Variants in MDGA2 observed in about 807,000 individuals in gnomAD.
MDGA2 encodes the protein MAM domain containing glycosylphosphatidylinositol anchor 2.
Under a neutral mutation model 117.8 loss-of-function variants are expected in MDGA2, and 40 were observed. The observed-to-expected ratio is 0.34, with a 90% CI of 0.26 to 0.44. MDGA2 has a LOEUF of 0.44. MDGA2 is among the 20% of genes least tolerant of loss of function. MDGA2 has a pLI of 1.00. For missense variants in MDGA2, 1,123 were observed against 1,250.6 expected (o/e 0.90, Z 1.54); for synonymous variants, 452 against 439.0 (o/e 1.03, Z -0.37).
Position 47,061,294 on chromosome 14 carries a change from C to T in MDGA2, c.1480G>A (p.Gly494Arg). 6.2e-7 allele frequency: 1 copy of T among 1,613,270 alleles called. No individual in the cohort carries two copies. Among genetic ancestry groups the T allele is most frequent in the Non-Finnish European group, 8.5e-7 (1 of 1,179,504 alleles). Reference protein sequence around the residue: ...YTCVASLKGGGISDISIDVNI... With the variant: ...YTCVASLKGGRISDISIDVNI... ...ACATCGATACTGATATCAGATATTCCTCCTCCCTTCAGAGATGCTACACAT... is the reference window on the plus strand; with the variant it reads ...ACATCGATACTGATATCAGATATTCTTCCTCCCTTCAGAGATGCTACACAT... The change falls in exon 7 of 17, where the codon GGA becomes AGA. Residue 494 changes from glycine to arginine, a missense_variant. By Grantham distance (125) the Gly-to-Arg change is moderately radical (BLOSUM62 -2). Around this residue, in one of 2 missense-constraint regions of MDGA2, gnomAD observed 890 missense variants for 1,050.3 expected, o/e 0.85. Transcript: ENST00000399232.
In MDGA2 at chr14:47,588,383, A is replaced by G. The variant is rs533870947; in HGVS notation, c.280+86134T>C. ...CATTTTATATTTCTACCAACAATGT[A>G]TGAGGGTATCAATTTCTAACATCCT... On this transcript the variant is annotated intron_variant, in intron 1 of 16. Coordinates refer to ENST00000399232, the MANE Select transcript of MDGA2 (RefSeq NM_001113498.3). Among the ~76,000 whole-genome samples, 19 of 151,618 alleles carry G rather than the reference A, an allele frequency of 1.3e-4. 1 individual carries two copies. The South Asian group carries it at 3.9e-3, about 31-fold the overall frequency.
intron 1 of MDGA2, among the ~76,000 whole-genome samples, chr14:47,421,310 A>T (rs906268688): frequency 6.6e-6 from 1 of 152,172 alleles, no homozygotes; most frequent in Non-Finnish European, 1.5e-5. Flanking sequence ...TCAGCCAAGA[A>T]AAAACAAAAC....
At chr14:47,366,871 T>C (rs1156282696) in intron 1 of MDGA2, among the ~76,000 whole-genome samples, 1 of 100,152 alleles carries the variant, frequency 1.0e-5, no homozygotes, top group Non-Finnish European at 2.3e-5. Context: ...TATGTTTTAC[T>C]AAAAGTTAGA....
Position 46,851,356 on chromosome 14 carries a change from G to T in MDGA2, c.2883+3668C>A, listed in dbSNP as rs115172031. Among the ~76,000 whole-genome samples, 829 of 151,924 alleles carry T rather than the reference G, an allele frequency of 5.5e-3. 8 individuals carry two copies. The highest frequency in any genetic ancestry group is 0.018 in the African/African-American group (755 of 41,512). ...GATGTAAAATTCATTGACATTATAA[G>T]AATATATCCATTTTGCTTCTTTGGA... On this transcript the variant is annotated intron_variant, in intron 15 of 16. Transcript: ENST00000399232.
rs746690812 is a variant in MDGA2, at chr14:47,035,210, A to C, written c.1620T>G (p.Pro540=). 1.2e-6 allele frequency: 2 copies of C among 1,614,148 alleles called. No homozygotes were observed. Among genetic ancestry groups the C allele is most frequent in the Admixed American group, 1.7e-5 (1 of 60,020 alleles). Residue 540 remains proline, a synonymous_variant, in exon 8 of 17, where the codon CCT becomes CCG. Coordinates refer to ENST00000399232, the MANE Select transcript of MDGA2 (RefSeq NM_001113498.3). The part of the protein sequence containing the change: ...IELQCQVTGK[P]KPIILWSRAD... ...CTCTAGACCAAAGGATGATTGGTTT[A>C]GGTTTGCCAGTTACTTGACATTGCA...
intron 5 of MDGA2, among the ~76,000 whole-genome samples, chr14:47,102,179 A>G (rs767024120): frequency 1.1e-4 from 17 of 152,166 alleles, no homozygotes; most frequent in Admixed American, 2.0e-4. Flanking sequence ...ATTATGAAAA[A>G]GGAACCCAGC....
intron 1 of MDGA2, among the ~76,000 whole-genome samples, chr14:47,600,132 A>G (rs1194439523): frequency 6.6e-6 from 1 of 152,104 alleles, no homozygotes; most frequent in Non-Finnish European, 1.5e-5. Context: ...GCGGTGGCTC[A>G]TGCTTCTAAT....
intron 3 of MDGA2, among the ~76,000 whole-genome samples, chr14:47,158,169 G>C (rs941103219): frequency 4.6e-5 from 7 of 152,094 alleles, no homozygotes; most frequent in Non-Finnish European, 5.9e-5. Flanking sequence ...ATATATCACT[G>C]TGTTACGACT....
chr14:47,309,485 G>A (rs898472069), intron 1 of MDGA2, among the ~76,000 whole-genome samples: 11 of 152,054 alleles, frequency 7.2e-5, no homozygotes, highest in Non-Finnish European at 1.5e-4. Context: ...GAAAGGCCTT[G>A]ATTATTAAAG....
At chr14:47,543,071 C>T (rs111732727) in intron 1 of MDGA2, among the ~76,000 whole-genome samples, 168 of 152,122 alleles carry the variant, frequency 1.1e-3, no homozygotes, top group African/African-American at 3.8e-3. Context: ...ATTAGCCAGG[C>T]ATGGTGGTGC....
chr14:47,093,032 T>C (rs921696895), intron 6 of MDGA2, among the ~76,000 whole-genome samples: 1 of 152,000 alleles, frequency 6.6e-6, no homozygotes, highest in Non-Finnish European at 1.5e-5. Flanking sequence ...AAGATCTTCA[T>C]AGCTCACTCT....
intron 1 of MDGA2, among the ~76,000 whole-genome samples, chr14:47,327,799 C>A (rs1467191929): frequency 1.3e-5 from 2 of 152,024 alleles, no homozygotes; most frequent in African/African-American, 2.4e-5. Context: ...ATTTAAAGTT[C>A]AACAACCTAG....
At chr14:47,341,821 A>G (rs1206364895) in intron 1 of MDGA2, among the ~76,000 whole-genome samples, 1 of 152,040 alleles carries the variant, frequency 6.6e-6, no homozygotes, top group Admixed American at 6.6e-5. Flanking sequence ...GTGTGCCTAG[A>G]ACCTGAACCT....
At chr14:47,031,402 T>C (rs1888662430) in intron 8 of MDGA2, among the ~76,000 whole-genome samples, 3 of 152,184 alleles carry the variant, frequency 2.0e-5, no homozygotes. Context: ...TTTTCTATCT[T>C]ATTTATTATT....
intron 8 of MDGA2, among the ~76,000 whole-genome samples, chr14:47,001,453 A>G (rs1049379062): frequency 1.3e-5 from 2 of 152,096 alleles, no homozygotes; most frequent in African/African-American, 4.8e-5. Context: ...TAAATTAGAA[A>G]CAAAAGGGAA....
chr14:47,287,204 G>A (rs1016746807), intron 2 of MDGA2, among the ~76,000 whole-genome samples: 8 of 151,898 alleles, frequency 5.3e-5, no homozygotes, highest in South Asian at 2.1e-4. Context: ...CCCAAACAGC[G>A]TCCTGTGATA....
At chr14:47,302,643 A>C (rs928149561) in intron 1 of MDGA2, among the ~76,000 whole-genome samples, 1 of 152,156 alleles carries the variant, frequency 6.6e-6, no homozygotes, top group Non-Finnish European at 1.5e-5. Context: ...AATCTTATAG[A>C]ATTTTAAAAT....
chr14:47,175,186 C>A (rs1432030122), intron 3 of MDGA2, among the ~76,000 whole-genome samples: 1 of 151,272 alleles, frequency 6.6e-6, no homozygotes, highest in Admixed American at 6.6e-5. Context: ...GAGTCCAGGA[C>A]CAGATGGATT....
intron 15 of MDGA2, among the ~76,000 whole-genome samples, chr14:46,848,919 T>C (rs566550737): frequency 1.2e-4 from 18 of 152,002 alleles, no homozygotes; most frequent in Non-Finnish European, 2.4e-4. Flanking sequence ...ATATGAATAT[T>C]TCACCCCTTG....
Sources: gnomAD v4.1 joint callset for allele counts (sites outside exome capture counted in the v4.1 genomes callset) on GRCh38, gnomAD v4.1.1 for gene constraint, gnomAD v4.1.1 regional missense constraint, MANE v1.5 for transcripts, NCBI Gene and HGNC (gene_info 2026-07-23, HGNC 2026-07-21) for gene names.